CPNE4: variants seen among roughly 807,000 people sequenced by gnomAD.
CPNE4 encodes copine 4, also known as copine-4.
Under a neutral mutation model 67.9 loss-of-function variants are expected in CPNE4, and 25 were observed. The ratio of observed to expected loss-of-function variants is 0.37; its 90% CI spans 0.27 to 0.51. The LOEUF (loss-of-function observed/expected upper bound fraction) is 0.51. Ranked by LOEUF, CPNE4 falls within the 20% of genes least tolerant of loss-of-function variation. CPNE4 has a pLI of 0.93. For synonymous variants in CPNE4, 242 were observed against 244.9 expected (o/e 0.99, Z 0.11); for missense variants, 464 against 690.8 (o/e 0.67, Z 3.68).
intron 2 of CPNE4, among the ~76,000 whole-genome samples, chr3:131,829,138 C>T (rs560054090): frequency 6.6e-6 from 1 of 152,282 alleles, no homozygotes; most frequent in African/African-American, 2.4e-5. Context: ...TTGTGAGACT[C>T]ATTCACTATC....
In CPNE4 at chr3:131,992,963, C is replaced by T. The variant is rs1353366223; in HGVS notation, c.-2+41604G>A. Among the ~76,000 whole-genome samples, 3 of 136,306 alleles carry T rather than the reference C, an allele frequency of 2.2e-5. 1 individual carries two copies. Among genetic ancestry groups the T allele is most frequent in the Admixed American group, 1.7e-4 (2 of 12,098 alleles). The allele number at this position is 136,306 out of a possible 152,430, so 89.4% of individuals were successfully genotyped here. A position where few individuals can be genotyped will look rare whatever the true frequency, so the allele number is the denominator to read the frequency against. On this transcript the variant is annotated intron_variant, in intron 1 of 15. Transcript: ENST00000429747. ...GTTTCCTGAGGCCTCCTTAGCCACG[C>T]TGAACTGTGAGTCAATTAAACCTCT...
chr3:131,866,745 A>G (rs1454259772), intron 2 of CPNE4, among the ~76,000 whole-genome samples: 1 of 152,240 alleles, frequency 6.6e-6, no homozygotes, highest in Non-Finnish European at 1.5e-5. Context: ...AGTGACATGT[A>G]AAAAGATCAG....
At chr3:131,729,989 C>T (rs921323629) in intron 2 of CPNE4, among the ~76,000 whole-genome samples, 3 of 152,212 alleles carry the variant, frequency 2.0e-5, no homozygotes, top group African/African-American at 4.8e-5. Context: ...TACATGTTAT[C>T]TTCTTCAAGC....
intron 7 of CPNE4, among the ~76,000 whole-genome samples, chr3:131,594,865 C>T (rs1938750591): frequency 6.6e-6 from 1 of 152,032 alleles, no homozygotes; most frequent in South Asian, 2.1e-4. Context: ...GCAAAACAAA[C>T]AAAAAACTCA....
chr3:131,805,709 G>A (rs2084283730), intron 2 of CPNE4, among the ~76,000 whole-genome samples: 1 of 152,158 alleles, frequency 6.6e-6, no homozygotes, highest in Admixed American at 6.5e-5. Context: ...GTGTGAGATG[G>A]TAGTGACTGG....
chr3:131,847,198 A>G (rs1478535874), intron 2 of CPNE4, among the ~76,000 whole-genome samples: 2 of 152,020 alleles, frequency 1.3e-5, no homozygotes, highest in Non-Finnish European at 2.9e-5. Flanking sequence ...ATCTCCCTCC[A>G]TGGCTAGACC....
intron 1 of CPNE4, among the ~76,000 whole-genome samples, chr3:131,977,465 C>A (rs140316736): frequency 6.6e-6 from 1 of 152,182 alleles, no homozygotes; most frequent in Non-Finnish European, 1.5e-5. Flanking sequence ...ACTGAAGTTG[C>A]ATCCTATGCT....
chr3:131,745,739 G>A (rs1478326065), intron 2 of CPNE4, among the ~76,000 whole-genome samples: 2 of 152,050 alleles, frequency 1.3e-5, no homozygotes, highest in Non-Finnish European at 2.9e-5. Context: ...CTGTTGTTCT[G>A]TTACATTGGT....
intron 7 of CPNE4, among the ~76,000 whole-genome samples, chr3:131,645,937 T>TC (rs1188876355): frequency 6.6e-6 from 1 of 152,158 alleles, no homozygotes; most frequent in African/African-American, 2.4e-5. Flanking sequence ...GGAGAAAGGC[T>TC]CAGGAGGCTC....
chr3:131,805,735 G>A (rs549148907), intron 2 of CPNE4, among the ~76,000 whole-genome samples: 1 of 152,150 alleles, frequency 6.6e-6, no homozygotes, highest in Admixed American at 6.5e-5. Context: ...AAAAGCAAGT[G>A]TTCTAAGACA....
chr3:131,800,652 G>A (rs185168364), intron 2 of CPNE4, among the ~76,000 whole-genome samples: 133 of 152,210 alleles, frequency 8.7e-4, no homozygotes, highest in African/African-American at 3.1e-3. Context: ...AAGCCAGGGT[G>A]GAGATCATTC....
intron 5 of CPNE4, among the ~76,000 whole-genome samples, chr3:131,688,082 A>G (rs764896283): frequency 7.2e-5 from 11 of 152,214 alleles, no homozygotes; most frequent in Non-Finnish European, 1.5e-4. Flanking sequence ...GAATCATTGA[A>G]GGATTTTGAG....
At chr3:131,967,458 G>A (rs2072384056) in intron 1 of CPNE4, among the ~76,000 whole-genome samples, 1 of 152,164 alleles carries the variant, frequency 6.6e-6, no homozygotes, top group African/African-American at 2.4e-5. Flanking sequence ...TGACATGATT[G>A]TGTATTTAGA....
At chr3:131,661,268 G>A (rs552212495) in intron 7 of CPNE4, among the ~76,000 whole-genome samples, 11 of 152,270 alleles carry the variant, frequency 7.2e-5, no homozygotes, top group African/African-American at 2.2e-4. Context: ...TATAGAGCAG[G>A]AGAGACCCAG....
At position 131,966,767 on chromosome 3, in the gene CPNE4, C is replaced by G. The variant is rs141671814; in HGVS notation, c.-1-61323G>C. ...ACAAACAAACAAAAAAAGCCCAAGA[C>G]CAGACAGATTCACAGCTGGACTCTA... On this transcript the variant is annotated intron_variant, in intron 1 of 15. Coordinates refer to ENST00000429747, the MANE Select transcript of CPNE4 (RefSeq NM_130808.3). Among the ~76,000 whole-genome samples the G allele has an allele frequency of 9.9e-5, 15 of 152,262 alleles. No homozygotes were observed. In the East Asian group the frequency reaches 2.9e-3, roughly 29 times the overall value.
chr3:131,955,501 C>T (rs1207202549), intron 1 of CPNE4, among the ~76,000 whole-genome samples: 1 of 136,038 alleles, frequency 7.4e-6, no homozygotes, highest in Admixed American at 8.2e-5. Flanking sequence ...TGCTGAATCT[C>T]CCCTCCACTT....
chr3:131,766,122 C>T (rs1479185097), intron 2 of CPNE4, among the ~76,000 whole-genome samples: 1 of 152,134 alleles, frequency 6.6e-6, no homozygotes, highest in Non-Finnish European at 1.5e-5. Flanking sequence ...ACCTCCGGCA[C>T]CAGATTGCCT....
At chr3:132,023,969 A>G (rs1247858921) in intron 1 of CPNE4, among the ~76,000 whole-genome samples, 2 of 152,198 alleles carry the variant, frequency 1.3e-5, no homozygotes, top group African/African-American at 4.8e-5. Context: ...TATTTGCAGC[A>G]TGGGTCTGAT....
intron 2 of CPNE4, among the ~76,000 whole-genome samples, chr3:131,862,719 T>C (rs1300863761): frequency 1.3e-5 from 2 of 150,358 alleles, no homozygotes; most frequent in Admixed American, 6.6e-5. Flanking sequence ...ATATATATTT[T>C]TATTATACTT....
Sources: gnomAD v4.1 joint callset for allele counts (sites outside exome capture counted in the v4.1 genomes callset) on GRCh38, gnomAD v4.1.1 for gene constraint, MANE v1.5 for transcripts, NCBI Gene and HGNC (gene_info 2026-07-23, HGNC 2026-07-21) for gene names.